Variants in CACNA2D3 observed in about 807,000 individuals in gnomAD.
The protein encoded by CACNA2D3 is calcium voltage-gated channel auxiliary subunit alpha2delta 3.
CACNA2D3 carries 60 observed loss-of-function variants against 160.6 expected under a neutral mutation model. The ratio of observed to expected loss-of-function variants is 0.37; its 90% CI spans 0.30 to 0.46. The LOEUF (loss-of-function observed/expected upper bound fraction) is 0.46, where lower values mean the gene tolerates loss of function less well. Ranked by LOEUF, CACNA2D3 falls within the 20% of genes least tolerant of loss-of-function variation. CACNA2D3 has a pLI of 1.00. For missense variants in CACNA2D3, 1,205 were observed against 1,365.0 expected (o/e 0.88, Z 1.85); for synonymous variants, 558 against 492.9 (o/e 1.13, Z -1.75).
chr3:54,126,463 T>A (rs951904309), intron 2 of CACNA2D3, among the ~76,000 whole-genome samples: 2 of 152,260 alleles, frequency 1.3e-5, no homozygotes, highest in African/African-American at 4.8e-5. Flanking sequence ...CTATGTTTAA[T>A]ACCATGGGTT....
intron 11 of CACNA2D3, among the ~76,000 whole-genome samples, chr3:54,642,572 T>C (rs1699546373): frequency 6.6e-6 from 1 of 152,178 alleles, no homozygotes; most frequent in Non-Finnish European, 1.5e-5. Context: ...GGGCCCAGCA[T>C]CTATACAATG....
At chr3:54,842,224 C>G (rs544782997) in intron 16 of CACNA2D3, among the ~76,000 whole-genome samples, 2 of 152,306 alleles carry the variant, frequency 1.3e-5, no homozygotes, top group South Asian at 2.1e-4. Context: ...GTTATTTTCT[C>G]AGAATGCTTT....
At position 54,360,325 on chromosome 3, in the gene CACNA2D3, A is replaced by T. The variant is rs75317341; in HGVS notation, c.322-26390A>T. Among the ~76,000 whole-genome samples, 1,418 of 152,320 alleles carry T rather than the reference A, an allele frequency of 9.3e-3. 18 individuals are homozygous for T. Among genetic ancestry groups the T allele is most frequent in the Admixed American group, 0.014 (219 of 15,292 alleles). On this transcript the variant is annotated intron_variant, in intron 3 of 37. Transcript: ENST00000474759. ...CAGTTCCAGTTTCTTCAAACAGATG[A>T]ATGAAAAACTATATATGCAAACAAA...
intron 11 of CACNA2D3, among the ~76,000 whole-genome samples, chr3:54,646,603 G>A (rs976827259): frequency 3.3e-5 from 5 of 152,026 alleles, no homozygotes; most frequent in African/African-American, 1.2e-4. Context: ...CTGCACAGTG[G>A]TATATGTGGT....
At chr3:54,900,658 T>C (rs905039462) in intron 27 of CACNA2D3, among the ~76,000 whole-genome samples, 1 of 152,196 alleles carries the variant, frequency 6.6e-6, no homozygotes, top group African/African-American at 2.4e-5. Flanking sequence ...TGGTATTGGC[T>C]GGGTTTACTA....
intron 25 of CACNA2D3, 169 bp from the exon 26 acceptor site, chr3:54,896,580 G>T: frequency 1.5e-6 from 1 of 659,792 alleles, no homozygotes. Flanking sequence ...ATGTTTTTGA[G>T]TAATCTGGGG....
intron 9 of CACNA2D3, among the ~76,000 whole-genome samples, chr3:54,611,322 C>T (rs1698745308): frequency 1.3e-5 from 2 of 152,206 alleles, no homozygotes; most frequent in Admixed American, 1.3e-4. Context: ...ATTTCTGCTT[C>T]AGGAGGTTAT....
At chr3:54,258,773 T>C (rs1051771380) in intron 2 of CACNA2D3, among the ~76,000 whole-genome samples, 6 of 152,160 alleles carry the variant, frequency 3.9e-5, no homozygotes, top group African/African-American at 1.4e-4. Context: ...AAAGTATTGA[T>C]TGAACACTTT....
intron 12 of CACNA2D3, among the ~76,000 whole-genome samples, chr3:54,758,747 C>A (rs1004712404): frequency 1.3e-5 from 2 of 152,132 alleles, no homozygotes. Flanking sequence ...CCTCTGGAGA[C>A]TGATATTTTG....
At chr3:54,438,601 G>A (rs1700094258) in intron 4 of CACNA2D3, among the ~76,000 whole-genome samples, 1 of 152,150 alleles carries the variant, frequency 6.6e-6, no homozygotes, top group Admixed American at 6.5e-5. Flanking sequence ...AAGCATATAA[G>A]GTGGCCTGTC....
chr3:54,322,934 G>A lies in CACNA2D3; in HGVS notation c.321+2376G>A, dbSNP rs1240528030. 2.6e-5 allele frequency among the ~76,000 whole-genome samples: 4 copies of A among 152,176 alleles called. No individual in the cohort carries two copies. The East Asian group carries it at 7.7e-4, about 29-fold the overall frequency. Reference sequence around the variant, plus strand: ...TAAAGGCAGCCAGATTCCTTGCAATGTGTATTCTATATATTTTAAAATAAA... The same window carrying A: ...TAAAGGCAGCCAGATTCCTTGCAATATGTATTCTATATATTTTAAAATAAA... On this transcript the variant is annotated intron_variant, in intron 3 of 37. Transcript: ENST00000474759.
intron 27 of CACNA2D3, among the ~76,000 whole-genome samples, chr3:54,920,840 C>T (rs868655297): frequency 6.6e-6 from 1 of 152,272 alleles, no homozygotes; most frequent in Non-Finnish European, 1.5e-5. Context: ...CCAATCACCC[C>T]AGACTTAAGA....
At chr3:54,514,986 CTT>C (rs1701524506) in intron 5 of CACNA2D3, among the ~76,000 whole-genome samples, 1 of 152,136 alleles carries the variant, frequency 6.6e-6, no homozygotes, top group Non-Finnish European at 1.5e-5. Flanking sequence ...GATGCATCAG[CTT>C]TTCCCTAAGT....
At chr3:54,409,906 G>A (rs4974364) in intron 4 of CACNA2D3, among the ~76,000 whole-genome samples, 27,742 of 152,234 alleles carry the variant, frequency 0.18, 2,887 homozygotes, top group Admixed American at 0.28. Context: ...AGTGCAAGGT[G>A]AAGCAGCAAG....
chr3:54,222,098 T>C (rs940480434), intron 2 of CACNA2D3, among the ~76,000 whole-genome samples: 2 of 152,218 alleles, frequency 1.3e-5, no homozygotes, highest in Admixed American at 6.5e-5. Flanking sequence ...TGCTTACTTA[T>C]TATTTTAGTT....
At chr3:54,444,675 C>T (rs577741802) in intron 4 of CACNA2D3, among the ~76,000 whole-genome samples, 7 of 151,980 alleles carry the variant, frequency 4.6e-5, no homozygotes, top group Non-Finnish European at 8.8e-5. Context: ...CTCAGAGCTG[C>T]CAGCAGCATG....
intron 5 of CACNA2D3, among the ~76,000 whole-genome samples, chr3:54,531,682 G>A (rs555903340): frequency 3.9e-5 from 6 of 152,274 alleles, no homozygotes; most frequent in East Asian, 3.9e-4. Flanking sequence ...TCGGAATGTC[G>A]GAAGTCATCA....
chr3:54,816,814 C>CT (rs1559593297), intron 13 of CACNA2D3, 39 bp from the exon 14 acceptor site: 4 of 1,609,142 alleles, frequency 2.5e-6, no homozygotes, highest in African/African-American at 1.3e-5. Context: ...TAATGATCAA[C>CT]TTTTTTCTTT....
At chr3:54,849,183 C>T (rs1022768805) in intron 17 of CACNA2D3, among the ~76,000 whole-genome samples, 8 of 152,140 alleles carry the variant, frequency 5.3e-5, no homozygotes, top group Non-Finnish European at 1.0e-4. Context: ...ACAACTTGTA[C>T]TAGAGGTTCT....
Sources: gnomAD v4.1 joint callset for allele counts (sites outside exome capture counted in the v4.1 genomes callset) on GRCh38, gnomAD v4.1.1 for gene constraint, MANE v1.5 for transcripts, NCBI Gene and HGNC (gene_info 2026-07-23, HGNC 2026-07-21) for gene names.